The following ERBIN variants were observed in gnomAD, a reference collection of about 807,000 sequenced individuals.
ERBIN encodes densin-180-like protein.
Under a neutral mutation model 158.4 loss-of-function variants are expected in ERBIN, and 60 were observed. That is an observed-to-expected ratio of 0.38 (90% CI 0.31 to 0.47). The LOEUF (loss-of-function observed/expected upper bound fraction) is 0.47. Among genes scored for constraint, ERBIN ranks in the 20% least tolerant of loss-of-function variants. The probability of loss-of-function intolerance (pLI) is 0.99; values close to 1 mark genes in which losing one functional copy is unlikely to be tolerated. For missense variants in ERBIN, 1,610 were observed against 1,648.0 expected (o/e 0.98, Z 0.40); for synonymous variants, 594 against 557.2 (o/e 1.07, Z -0.93).
intron 3 of ERBIN, 54 bp downstream of exon 3, chr5:65,992,961 A>G: frequency 7.4e-7 from 1 of 1,357,056 alleles, no homozygotes; most frequent in South Asian, 1.6e-5. Context: ...ATATCTAGAA[A>G]TATGATATTC....
rs987283982 is a variant in ERBIN at position 66,078,606 on chromosome 5, CTA to C, written c.*78_*79del. The stretch of plus-strand genomic sequence containing the variant: ...CTTACAGGGGAAATTAATATTTTGA[CTA>C]TTTTTATATATAAAGAAGAACTCAA... On this transcript the variant is annotated 3_prime_UTR_variant, in exon 26 of 26. Coordinates refer to ENST00000284037, the MANE Select transcript of ERBIN (RefSeq NM_001253697.2). 1.3e-5 allele frequency: 11 copies of C among 864,892 alleles called. No individual in the cohort carries two copies. Among genetic ancestry groups the C allele is most frequent in the African/African-American group, 1.0e-4 (6 of 57,712 alleles). The allele number at this position is 864,892 out of a possible 1,614,324, so 53.6% of individuals were successfully genotyped here. A position where few individuals can be genotyped will look rare whatever the true frequency, so the allele number is the denominator to read the frequency against.
At chr5:66,034,641 A>G (rs1757211815) in intron 14 of ERBIN, among the ~76,000 whole-genome samples, 1 of 151,592 alleles carries the variant, frequency 6.6e-6, no homozygotes, top group Non-Finnish European at 1.5e-5. Flanking sequence ...TTTTCAGAAC[A>G]CAGTTTAGGA....
intron 4 of ERBIN, among the ~76,000 whole-genome samples, chr5:66,005,439 A>G (rs1400503965): frequency 1.3e-5 from 2 of 152,140 alleles, no homozygotes; most frequent in Non-Finnish European, 2.9e-5. Context: ...AAACTGTGCT[A>G]GAGATAAATA....
At chr5:66,014,824 T>A in intron 7 of ERBIN, 99 bp downstream of exon 7, 1 of 568,880 alleles carries the variant, frequency 1.8e-6, no homozygotes, top group Non-Finnish European at 3.0e-6. Flanking sequence ...GTGGTGCAAA[T>A]TATTTGTAAA....
At chr5:65,962,787 C>A (rs572962833) in intron 1 of ERBIN, among the ~76,000 whole-genome samples, 1 of 152,208 alleles carries the variant, frequency 6.6e-6, no homozygotes, top group East Asian at 1.9e-4. Flanking sequence ...CTAATTAAAG[C>A]CTCTTTAAAT....
At chr5:66,061,300 CCTT>C (rs1162257534) in intron 21 of ERBIN, among the ~76,000 whole-genome samples, 70 of 152,226 alleles carry the variant, frequency 4.6e-4, no homozygotes, top group African/African-American at 1.6e-3. Context: ...TATGTAATGG[CCTT>C]CTTTGACTCT....
At position 66,081,683 on chromosome 5, in the gene ERBIN, T is replaced by C. The variant is rs1762391839; in HGVS notation, c.*3153T>C. The C allele has an allele frequency of 6.6e-6, 1 of 152,100 alleles. No homozygotes were observed. Among genetic ancestry groups the C allele is most frequent in the Non-Finnish European group, 1.5e-5 (1 of 67,970 alleles). 9.4% of individuals were successfully genotyped at this position (152,100 alleles called of 1,614,324 possible). Reference sequence around the variant, plus strand: ...TAGTTTATCTCAAATTATTATTATTTACTTCTAAAGGGAGGCATTAAGATG... The same window carrying C: ...TAGTTTATCTCAAATTATTATTATTCACTTCTAAAGGGAGGCATTAAGATG... On this transcript the variant is annotated 3_prime_UTR_variant, in exon 26 of 26. Transcript: ENST00000284037.
At chr5:65,971,415 A>G (rs1348141777) in intron 1 of ERBIN, among the ~76,000 whole-genome samples, 2 of 152,198 alleles carry the variant, frequency 1.3e-5, no homozygotes. Flanking sequence ...GATCATATTT[A>G]TATATGAATT....
At chr5:66,013,486 A>G in intron 5 of ERBIN, 63 bp from the exon 6 acceptor site, 1 of 1,144,296 alleles carries the variant, frequency 8.7e-7, no homozygotes, top group Admixed American at 1.8e-5. Flanking sequence ...TGAGAGTCTT[A>G]GATTTTAATA....
chr5:66,008,741 G>A (rs1753881338), intron 4 of ERBIN, among the ~76,000 whole-genome samples: 2 of 152,110 alleles, frequency 1.3e-5, no homozygotes, highest in Admixed American at 1.3e-4. Context: ...GAGATATTTA[G>A]CTAAATTTTA....
chr5:66,013,459 G>C (rs909981545), intron 5 of ERBIN, 90 bp from the exon 6 acceptor site: 7 of 957,558 alleles, frequency 7.3e-6, no homozygotes, highest in Admixed American at 2.0e-5. Context: ...TTTTCTGTCT[G>C]TTGGGAAAAT....
At chr5:65,960,558 G>A (rs1747791329) in intron 1 of ERBIN, among the ~76,000 whole-genome samples, 1 of 152,128 alleles carries the variant, frequency 6.6e-6, no homozygotes, top group Non-Finnish European at 1.5e-5. Flanking sequence ...GTGTTGGCCT[G>A]GGCATAGATG....
At chr5:66,039,584 T>C (rs1345562521) in intron 15 of ERBIN, among the ~76,000 whole-genome samples, 2 of 152,030 alleles carry the variant, frequency 1.3e-5, no homozygotes. Flanking sequence ...TGGCACTGCT[T>C]ACAGCATAAG....
At chr5:65,946,587 G>A (rs1295799167) in intron 1 of ERBIN, among the ~76,000 whole-genome samples, 1 of 152,156 alleles carries the variant, frequency 6.6e-6, no homozygotes, top group Non-Finnish European at 1.5e-5. Context: ...AAATAAACCT[G>A]CTGTGAATAT....
At chr5:66,044,986 A>G (rs1402938639) in intron 17 of ERBIN, among the ~76,000 whole-genome samples, 1 of 152,102 alleles carries the variant, frequency 6.6e-6, no homozygotes, top group African/African-American at 2.4e-5. Context: ...AGGCTTAAGC[A>G]GGAGAGTCAC....
In ERBIN at chr5:65,939,836, G is replaced by C. The variant is rs561048562; in HGVS notation, c.-58+13030G>C. The stretch of plus-strand genomic sequence containing the variant: ...GGTGCCGGGATTGCAGACGGAGTCT[G>C]GTTCACTCAGTGCTCAATGGTGCCC... On this transcript the variant is annotated intron_variant, in intron 1 of 25. Transcript: ENST00000284037. 2.5e-3 allele frequency among the ~76,000 whole-genome samples: 387 copies of C among 152,150 alleles called. 2 individuals are homozygous for C. The highest frequency in any genetic ancestry group is 8.8e-3 in the African/African-American group (367 of 41,556).
chr5:65,992,017 A>G (rs955970620), intron 2 of ERBIN, among the ~76,000 whole-genome samples: 3 of 152,290 alleles, frequency 2.0e-5, no homozygotes, highest in African/African-American at 7.2e-5. Context: ...CCCACTTCCT[A>G]CTCAAAACTG....
intron 18 of ERBIN, among the ~76,000 whole-genome samples, chr5:66,048,069 A>G (rs1401591088): frequency 2.0e-5 from 3 of 151,948 alleles, no homozygotes; most frequent in Non-Finnish European, 2.9e-5. Context: ...CAGATACAGG[A>G]GAATGGAATG....
rs752526992 is a variant in ERBIN at position 66,079,973 on chromosome 5, T to C, written c.*1443T>C. The C allele has an allele frequency of 6.6e-6, 1 of 152,200 alleles. No homozygotes were observed. The highest frequency in any genetic ancestry group is 1.5e-5 in the Non-Finnish European group (1 of 68,006). 9.4% of individuals were successfully genotyped at this position (152,200 alleles called of 1,614,324 possible). A position where few individuals can be genotyped will look rare whatever the true frequency, so the allele number is the denominator to read the frequency against. ...TGGTAAGGATTAATGCATGGTTATTTGGACCAGAAAAAAGTGCCATAGAAG... is the reference window on the plus strand; with the variant it reads ...TGGTAAGGATTAATGCATGGTTATTCGGACCAGAAAAAAGTGCCATAGAAG... On this transcript the variant is annotated 3_prime_UTR_variant, in exon 26 of 26. Coordinates refer to ENST00000284037, the MANE Select transcript of ERBIN (RefSeq NM_001253697.2).
Sources: allele counts gnomAD v4.1 joint callset (sites outside exome capture counted in the v4.1 genomes callset), GRCh38; gene constraint gnomAD v4.1.1; transcripts MANE v1.5; gene names NCBI Gene and HGNC (gene_info 2026-07-23, HGNC 2026-07-21).